DNAJA3: variants seen among roughly 807,000 people sequenced by gnomAD.
DNAJA3 encodes the protein DnaJ heat shock protein family (Hsp40) member A3.
Under a neutral mutation model 54.9 loss-of-function variants are expected in DNAJA3, and 29 were observed. The ratio of observed to expected loss-of-function variants is 0.53; its 90% CI spans 0.39 to 0.72. The LOEUF is 0.72. Ranked by LOEUF, DNAJA3 falls within the 30% of genes least tolerant of loss-of-function variation. The pLI is 0.00. For synonymous variants in DNAJA3, 302 were observed against 251.4 expected (o/e 1.20, Z -1.90); for missense variants, 708 against 639.4 (o/e 1.11, Z -1.16).
At chr16:4,451,842 C>T (rs1225698122) in intron 10 of DNAJA3, among the ~76,000 whole-genome samples, 1 of 146,950 alleles carries the variant, frequency 6.8e-6, no homozygotes, top group Non-Finnish European at 1.5e-5. Flanking sequence ...GGGTGGATCA[C>T]GAGGTCAGGA....
intron 2 of DNAJA3, among the ~76,000 whole-genome samples, chr16:4,436,508 A>G (rs1293405327): frequency 1.3e-5 from 2 of 152,190 alleles, no homozygotes; most frequent in East Asian, 1.9e-4. Flanking sequence ...AGAGACGTCT[A>G]TTTATTCAGT....
intron 3 of DNAJA3, among the ~76,000 whole-genome samples, chr16:4,437,951 C>G (rs1329248410): frequency 6.6e-6 from 1 of 151,408 alleles, no homozygotes; most frequent in Admixed American, 6.6e-5. Flanking sequence ...AAAAGACCTT[C>G]TCTCAAAAAA....
intron 9 of DNAJA3, 196 bp from the exon 10 acceptor site, chr16:4,450,204 G>A (rs552773589): frequency 2.5e-4 from 131 of 533,532 alleles, no homozygotes; most frequent in African/African-American, 2.3e-3. Flanking sequence ...AGTGTAGGGT[G>A]TTTTAGGAGC....
At chr16:4,448,559 G>T (rs754873799) in intron 8 of DNAJA3, among the ~76,000 whole-genome samples, 174 bp from the exon 9 acceptor site, 2 of 152,088 alleles carry the variant, frequency 1.3e-5, no homozygotes, top group Non-Finnish European at 2.9e-5. Context: ...GGCCAGGCAG[G>T]TCTTGAACTC....
intron 4 of DNAJA3, 151 bp from the exon 5 acceptor site, chr16:4,442,117 C>A: frequency 1.4e-6 from 1 of 735,504 alleles, no homozygotes; most frequent in Non-Finnish European, 2.1e-6. Context: ...TCAGTGAGTC[C>A]TACCTATGCT....
intron 3 of DNAJA3, 72 bp downstream of exon 3, chr16:4,437,557 TG>T: frequency 8.0e-7 from 1 of 1,246,474 alleles, no homozygotes; most frequent in Non-Finnish European, 1.2e-6. Flanking sequence ...CATTGCTACC[TG>T]GGACAGCCTG....
intron 1 of DNAJA3, among the ~76,000 whole-genome samples, chr16:4,426,533 G>T (rs1422354023): frequency 6.6e-6 from 1 of 152,234 alleles, no homozygotes; most frequent in African/African-American, 2.4e-5. Context: ...TTCAACGGAG[G>T]AATCGACCAG....
rs2056784867 is a variant in DNAJA3 at position 4,437,458 on chromosome 16, G to T, written c.402G>T (p.Lys134Asn). The T allele has an allele frequency of 2.5e-6, 4 of 1,614,060 alleles. No individual in the cohort carries two copies. The highest frequency in any genetic ancestry group is 3.4e-6 in the Non-Finnish European group (4 of 1,180,004). Residue 134 changes from lysine (K) to asparagine (N), a missense_variant, in exon 3 of 12, where the codon AAG becomes AAT. By Grantham distance (94) the Lys-to-Asn change is moderately conservative. Transcript: ENST00000262375. ...TNKDDPKAKE[K>N]FSQLAEAYEV... is the part of the protein sequence containing the mutation. ...AGGATGATCCCAAAGCCAAGGAGAA[G>T]TTCTCCCAGCTGGCAGAAGCCTATG...
At chr16:4,429,755 A>G (rs2056671751) in intron 1 of DNAJA3, among the ~76,000 whole-genome samples, 1 of 151,990 alleles carries the variant, frequency 6.6e-6, no homozygotes, top group Admixed American at 6.6e-5. Context: ...AATTGCTTGA[A>G]CGTGAAAGTC....
At chr16:4,450,354 A>G in intron 9 of DNAJA3, 46 bp from the exon 10 acceptor site, 1 of 1,509,578 alleles carries the variant, frequency 6.6e-7, no homozygotes, top group Non-Finnish European at 9.0e-7. Flanking sequence ...TTCTTTCCAA[A>G]GCTTCCCGGC....
At chr16:4,427,943 C>G (rs1209490004) in intron 1 of DNAJA3, among the ~76,000 whole-genome samples, 1 of 152,032 alleles carries the variant, frequency 6.6e-6, no homozygotes, top group Non-Finnish European at 1.5e-5. Context: ...CTGCACCTGG[C>G]CAACAGAATG....
At chr16:4,441,643 CA>C in intron 4 of DNAJA3, 68 bp downstream of exon 4, 1 of 1,523,696 alleles carries the variant, frequency 6.6e-7, no homozygotes, top group Non-Finnish European at 9.0e-7. Flanking sequence ...ATTTTTTTAT[CA>C]GTTTCTGTTT....
intron 2 of DNAJA3, among the ~76,000 whole-genome samples, chr16:4,436,622 G>T (rs2141376152): frequency 6.6e-6 from 1 of 151,554 alleles, no homozygotes; most frequent in Admixed American, 6.6e-5. Flanking sequence ...TGCAACCTCT[G>T]TCTCCTGGGC....
At chr16:4,429,049 C>T (rs543144671) in intron 1 of DNAJA3, among the ~76,000 whole-genome samples, 3 of 151,912 alleles carry the variant, frequency 2.0e-5, no homozygotes, top group Admixed American at 6.6e-5. Context: ...CAACCGCGCC[C>T]AGCTAATTTT....
rs549786754 is a variant in DNAJA3 at position 4,438,249 on chromosome 16, G to A, written c.429+764G>A. On this transcript the variant is annotated intron_variant, in intron 3 of 11. Transcript: ENST00000262375. ...GGAGAATGGCGTGAACCCGGGAGGCGGAGCTTGCAGTGAGCTGAGATTGCG... is the reference window on the plus strand; with the variant it reads ...GGAGAATGGCGTGAACCCGGGAGGCAGAGCTTGCAGTGAGCTGAGATTGCG... Among the ~76,000 whole-genome samples the A allele has an allele frequency of 1.6e-4, 24 of 151,982 alleles. No homozygotes were observed. In the South Asian group the frequency reaches 2.9e-3, roughly 18 times the overall value.
intron 9 of DNAJA3, chr16:4,450,091 T>C (rs969515832): frequency 1.1e-5 from 3 of 270,236 alleles, no homozygotes; most frequent in Non-Finnish European, 2.1e-5. Flanking sequence ...CCTGGCCTAA[T>C]TAGATAATTT....
At chr16:4,432,798 T>G (rs1165575371) in intron 1 of DNAJA3, among the ~76,000 whole-genome samples, 1 of 151,236 alleles carries the variant, frequency 6.6e-6, no homozygotes, top group Non-Finnish European at 1.5e-5. Flanking sequence ...ATCGCACCAC[T>G]GCACGCCAGT....
intron 5 of DNAJA3, 26 bp from the exon 6 acceptor site, chr16:4,442,991 G>A (rs746102753): frequency 8.1e-6 from 13 of 1,610,014 alleles, no homozygotes; most frequent in South Asian, 1.1e-5. Context: ...GCGTACTTAG[G>A]TTACCATTTT....
At position 4,426,084 on chromosome 16, in the gene DNAJA3, G is replaced by A. The variant is rs540155050; in HGVS notation, c.203G>A (p.Ser68Asn). The change falls in exon 1 of 12, where the codon AGC becomes AAC. Residue 68 changes from serine to asparagine, a missense_variant. Coordinates refer to ENST00000262375, the MANE Select transcript of DNAJA3 (RefSeq NM_005147.6). ...RALLTLRPGV[S>N]LTGTKHNPFI... ...CTGCTGACATTGAGACCTGGTGTCA[G>A]CCTTACAGGTGAGGGCAGGTTCCAA... 74 of 1,593,180 alleles carry A rather than the reference G, an allele frequency of 4.6e-5. No homozygotes were observed. The highest frequency in any genetic ancestry group is 4.6e-5 in the East Asian group (2 of 43,014).
Sources: gnomAD v4.1 joint callset for allele counts (sites outside exome capture counted in the v4.1 genomes callset) on GRCh38, gnomAD v4.1.1 for gene constraint, MANE v1.5 for transcripts, NCBI Gene and HGNC (gene_info 2026-07-23, HGNC 2026-07-21) for gene names.